The following ZC3HC1 variants were observed in gnomAD, a reference collection of about 807,000 sequenced individuals.
ZC3HC1 encodes zinc finger C3HC-type protein 1.
Under a neutral mutation model 61.9 loss-of-function variants are expected in ZC3HC1, and 38 were observed. The ratio of observed to expected loss-of-function variants is 0.61; its 90% CI spans 0.47 to 0.81. The LOEUF is 0.81. Ranked by LOEUF, ZC3HC1 falls within the 30% of genes least tolerant of loss-of-function variation. The probability of loss-of-function intolerance (pLI) is 0.00; values close to 1 mark genes in which losing one functional copy is unlikely to be tolerated. For missense variants in ZC3HC1, 554 were observed against 622.7 expected (o/e 0.89, Z 1.17); for synonymous variants, 213 against 229.9 (o/e 0.93, Z 0.67).
At chr7:130,033,694 T>G (rs1011959351) in intron 4 of ZC3HC1, among the ~76,000 whole-genome samples, 4 of 152,086 alleles carry the variant, frequency 2.6e-5, no homozygotes, top group African/African-American at 9.7e-5. Context: ...CCTCGTGATC[T>G]GCCTGCCTCG....
At chr7:130,049,223 C>T (rs969122412) in intron 1 of ZC3HC1, 79 bp from the exon 2 acceptor site, 15 of 1,019,368 alleles carry the variant, frequency 1.5e-5, no homozygotes, top group East Asian at 2.8e-5. Flanking sequence ...CTCTACACAT[C>T]GTATCATAAA....
chr7:130,030,709 C>T (rs1368501218), intron 4 of ZC3HC1, among the ~76,000 whole-genome samples: 1 of 151,310 alleles, frequency 6.6e-6, no homozygotes, highest in African/African-American at 2.4e-5. Context: ...TCGCTGTTGC[C>T]CAGGCTGGAG....
At chr7:130,030,276 T>G (rs1034329604) in intron 4 of ZC3HC1, among the ~76,000 whole-genome samples, 1 of 150,436 alleles carries the variant, frequency 6.6e-6, no homozygotes, top group African/African-American at 2.4e-5. Context: ...CACGGCTCAC[T>G]GCAACCTCTG....
rs34409527 is a variant in ZC3HC1, at chr7:130,041,154, A to ATGTGTG, written c.259-59_259-54dup. The ATGTGTG allele has an allele frequency of 4.0e-3, 4,789 of 1,207,164 alleles. 85 individuals carry two copies. The African/African-American group carries it at 0.062, about 16-fold the overall frequency. 74.8% of individuals were successfully genotyped at this position (1,207,164 alleles called of 1,614,324 possible). A position where few individuals can be genotyped will look rare whatever the true frequency, so the allele number is the denominator to read the frequency against. ...CAAATATATATATATATGTGTGTGT[A>ATGTGTG]TGTGTGTGTGTGTGTGTGTGTGTAT... On this transcript the variant is annotated intron_variant, in intron 2 of 9. Coordinates refer to ENST00000358303, the MANE Select transcript of ZC3HC1 (RefSeq NM_016478.5).
chr7:130,026,495 C>A, intron 5 of ZC3HC1, 183 bp from the exon 6 acceptor site: 1 of 500,604 alleles, frequency 2.0e-6, no homozygotes, highest in East Asian at 3.3e-5. Flanking sequence ...CAGAAGCTTT[C>A]TGAATTGCCC....
At position 130,030,216 on chromosome 7, in the gene ZC3HC1, C is replaced by T. The variant is rs111988902; in HGVS notation, c.494-1187G>A. On this transcript the variant is annotated intron_variant, in intron 4 of 9. Transcript: ENST00000358303. Reference sequence around the variant, plus strand: ...CAGCCTTTTTTTTTTTTTTTTTTTCCGAGACAGAGTTTTTGCTCTGTCGCC... The same window carrying T: ...CAGCCTTTTTTTTTTTTTTTTTTTCTGAGACAGAGTTTTTGCTCTGTCGCC... Among the ~76,000 whole-genome samples the T allele has an allele frequency of 6.2e-3, 755 of 121,822 alleles. 6 individuals carry two copies. The highest frequency in any genetic ancestry group is 0.022 in the African/African-American group (708 of 31,910). The allele number at this position is 121,822 out of a possible 152,430, so 79.9% of individuals were successfully genotyped here.
Position 130,041,068 on chromosome 7 carries a change from AC to A in ZC3HC1, c.291del (p.Ser98LeufsTer47). ...SLKWAGKPFE[L>X]SPLVCAKYGW... ...CCATATTTTGCACAGACGAGTGGAG[AC>A]AGCTCAAAGGGCTTACCTGCCCATT... On this transcript the variant is annotated frameshift_variant, in exon 3 of 10. Coordinates refer to ENST00000358303, the MANE Select transcript of ZC3HC1 (RefSeq NM_016478.5). LOFTEE classifies it high-confidence loss of function. 6.2e-7 allele frequency: 1 copy of A among 1,613,756 alleles called. No individual in the cohort carries two copies. Among genetic ancestry groups the A allele is most frequent in the Non-Finnish European group, 8.5e-7 (1 of 1,179,940 alleles).
At chr7:130,031,221 C>T (rs1408208885) in intron 4 of ZC3HC1, among the ~76,000 whole-genome samples, 2 of 147,878 alleles carry the variant, frequency 1.4e-5, no homozygotes, top group Admixed American at 6.9e-5. Flanking sequence ...CCCAGCTACT[C>T]GGGAGGCTGA....
At chr7:130,049,184 G>C in intron 1 of ZC3HC1, 40 bp from the exon 2 acceptor site, 2 of 1,464,952 alleles carry the variant, frequency 1.4e-6, no homozygotes, top group Non-Finnish European at 1.9e-6. Flanking sequence ...ACCTTTCACA[G>C]TACCCTCTGC....
rs570246546 is a variant in ZC3HC1, at chr7:130,041,084, A to C, written c.276T>G (p.Gly92=). The change falls in exon 3 of 10, where the codon GGT becomes GGG. Residue 92 remains glycine (G), a synonymous_variant. Coordinates refer to ENST00000358303, the MANE Select transcript of ZC3HC1 (RefSeq NM_016478.5). ...VETFSSLKWA[G]KPFELSPLVC... is the part of the protein sequence containing the mutation. ...CGAGTGGAGACAGCTCAAAGGGCTT[A>C]CCTGCCCATTTCAAAGAGTATCCAT... 6.2e-7 allele frequency: 1 copy of C among 1,611,630 alleles called. No homozygotes were observed. The highest frequency in any genetic ancestry group is 1.7e-5 in the Admixed American group (1 of 59,056).
In ZC3HC1 at chr7:130,045,445, GCC is replaced by G. The variant is rs752948595; in HGVS notation, c.258+3586_258+3587del. ...AGAGCTACCCATCAGTACCATGTTG[GCC>G]ATGTTGGAGTAGAGTATCCTCAGCT... On this transcript the variant is annotated intron_variant, in intron 2 of 9. Coordinates refer to ENST00000358303, the MANE Select transcript of ZC3HC1 (RefSeq NM_016478.5). The G allele has an allele frequency of 1.8e-5, 8 of 456,752 alleles. 1 individual carries two copies. Among genetic ancestry groups the G allele is most frequent in the South Asian group, 1.2e-4 (8 of 64,528 alleles). The allele number at this position is 456,752 out of a possible 1,614,324, so 28.3% of individuals were successfully genotyped here.
Position 130,024,381 on chromosome 7 carries a change from G to T in ZC3HC1, c.902C>A (p.Thr301Asn), listed in dbSNP as rs1182139683. 1 of 1,614,084 alleles carries T rather than the reference G, an allele frequency of 6.2e-7. No homozygotes were observed. Among genetic ancestry groups the T allele is most frequent in the South Asian group, 1.1e-5 (1 of 91,082 alleles). The change falls in exon 7 of 10, where the codon ACC becomes AAC. Residue 301 changes from threonine (T) to asparagine (N), a missense_variant. Thr to Asn is a moderately conservative substitution (Grantham distance 65). Coordinates refer to ENST00000358303, the MANE Select transcript of ZC3HC1 (RefSeq NM_016478.5). ...CTCAAGGCCTGGGATTGGGGAGCTG[G>T]TCAGGCCAAAGGATGCATCCAGGTC... ...MTDLDASFGL[T>N]SSPIPGLEGR...
chr7:130,028,486 G>A lies in ZC3HC1; in HGVS notation c.621+416C>T, dbSNP rs564616977. ...GGACCTGGGAGGTGGAGGTTGCAGT[G>A]AGCCGAGATTACACTATTGCACTCC... On this transcript the variant is annotated intron_variant, in intron 5 of 9. Transcript: ENST00000358303. 2.0e-5 allele frequency among the ~76,000 whole-genome samples: 3 copies of A among 152,144 alleles called. No individual in the cohort carries two copies. In the South Asian group the frequency reaches 6.2e-4, roughly 32 times the overall value.
chr7:130,036,952 T>A (rs974972212), intron 4 of ZC3HC1: 2 of 152,182 alleles, frequency 1.3e-5, no homozygotes, highest in African/African-American at 4.8e-5. Context: ...TTTATACACA[T>A]TGAGTTCCAG....
chr7:130,047,507 A>G (rs926105700), intron 2 of ZC3HC1, among the ~76,000 whole-genome samples: 2 of 152,172 alleles, frequency 1.3e-5, no homozygotes, highest in East Asian at 1.9e-4. Flanking sequence ...TTAATAGTTT[A>G]TAAGACAGAA....
chr7:130,025,023 A>G (rs1793835972), intron 6 of ZC3HC1, among the ~76,000 whole-genome samples: 1 of 145,148 alleles, frequency 6.9e-6, no homozygotes, highest in South Asian at 2.2e-4. Flanking sequence ...CCCCTGCCTC[A>G]GCCTCCTGAG....
Position 130,023,409 on chromosome 7 carries a change from C to T in ZC3HC1, c.1233+102G>A. 3 of 1,119,050 alleles carry T rather than the reference C, an allele frequency of 2.7e-6. No homozygotes were observed. The highest frequency in any genetic ancestry group is 2.6e-6 in the Non-Finnish European group (2 of 774,982). 69.3% of individuals were successfully genotyped at this position (1,119,050 alleles called of 1,614,324 possible). On this transcript the variant is annotated intron_variant, in intron 8 of 9. Transcript: ENST00000358303. This position sits in a 1 kb window ranked among gnomAD's most constrained non-coding sequence, Gnocchi z 4.2. ...ATTTATTCACATGGTCTACTTTTTGCATTGGACCACGGAAGGGCTCCTGCC... is the reference window on the plus strand; with the variant it reads ...ATTTATTCACATGGTCTACTTTTTGTATTGGACCACGGAAGGGCTCCTGCC...
At chr7:130,032,483 CAA>C (rs947635232) in intron 4 of ZC3HC1, among the ~76,000 whole-genome samples, 3 of 129,834 alleles carry the variant, frequency 2.3e-5, no homozygotes, top group Non-Finnish European at 5.0e-5. Flanking sequence ...CCATCTCTAC[CAA>C]AAAAAAAAAA....
At chr7:130,027,543 G>A (rs748002158) in intron 5 of ZC3HC1, 2 of 152,872 alleles carry the variant, frequency 1.3e-5, no homozygotes, top group African/African-American at 2.4e-5. Context: ...TTTTGAGATG[G>A]AGTTTCGCTC....
Sources: gnomAD v4.1 joint callset for allele counts (sites outside exome capture counted in the v4.1 genomes callset) on GRCh38, gnomAD v4.1.1 for gene constraint, Gnocchi (gnomAD v3.1) non-coding constraint, MANE v1.5 for transcripts, NCBI Gene and HGNC (gene_info 2026-07-23, HGNC 2026-07-21) for gene names.